RBMS1: variants seen among roughly 807,000 people sequenced by gnomAD.
The protein encoded by RBMS1 is RNA binding motif single stranded interacting protein 1.
In RBMS1, 17 loss-of-function variants were observed where a neutral mutation model predicts 62.3. The observed-to-expected ratio is 0.27, with a 90% CI of 0.19 to 0.41. The LOEUF is 0.41. Ranked by LOEUF, RBMS1 falls within the 10% of genes least tolerant of loss-of-function variation. The pLI is 1.00. For synonymous variants in RBMS1, 172 were observed against 170.0 expected, an observed-to-expected ratio of 1.01 and a Z score of -0.09; for missense variants, 334 against 504.5, an observed-to-expected ratio of 0.66 and a Z score of 3.24.
intron 1 of RBMS1, among the ~76,000 whole-genome samples, chr2:160,396,708 G>T (rs1573997738): frequency 6.6e-6 from 1 of 151,986 alleles, no homozygotes; most frequent in Admixed American, 6.6e-5. Context: ...TGGGATACAG[G>T]CAGGCGCCAC....
intron 2 of RBMS1, among the ~76,000 whole-genome samples, chr2:160,342,658 G>T (rs1691935690): frequency 6.6e-6 from 1 of 151,718 alleles, no homozygotes; most frequent in Admixed American, 6.6e-5. Flanking sequence ...GCTCACGCCT[G>T]TAATCCCAGC....
At chr2:160,312,961 T>C (rs972262323) in intron 4 of RBMS1, among the ~76,000 whole-genome samples, 195 bp downstream of exon 4, 29 of 152,156 alleles carry the variant, frequency 1.9e-4, no homozygotes, top group African/African-American at 5.5e-4. Flanking sequence ...TCCTCCTTCA[T>C]AGATTAAGTT....
chr2:160,318,701 T>C (rs1299197799), intron 2 of RBMS1, among the ~76,000 whole-genome samples: 4 of 152,216 alleles, frequency 2.6e-5, no homozygotes, highest in South Asian at 2.1e-4. Flanking sequence ...GTGGACACCA[T>C]TGCAAGGCTC....
chr2:160,475,860 T>A (rs1685101318), intron 1 of RBMS1, among the ~76,000 whole-genome samples: 1 of 35,626 alleles, frequency 2.8e-5, no homozygotes, highest in African/African-American at 1.0e-4. Context: ...GGGCCCCCCA[T>A]TTTTTTTTTT....
chr2:160,424,707 T>G (rs932525614), intron 1 of RBMS1, among the ~76,000 whole-genome samples: 3 of 152,216 alleles, frequency 2.0e-5, no homozygotes, highest in African/African-American at 7.2e-5. Context: ...CTACTGTCTA[T>G]TCACTCACAA....
intron 1 of RBMS1, among the ~76,000 whole-genome samples, chr2:160,400,814 G>A (rs1189970393): frequency 1.3e-5 from 2 of 152,078 alleles, no homozygotes; most frequent in African/African-American, 2.4e-5. Flanking sequence ...GGTAGGACAG[G>A]AGTTTGCAGG....
intron 1 of RBMS1, among the ~76,000 whole-genome samples, chr2:160,386,426 T>C (rs1314963476): frequency 6.6e-6 from 1 of 151,858 alleles, no homozygotes; most frequent in Non-Finnish European, 1.5e-5. Context: ...ATCCCAGCTA[T>C]TCAGGAGGTT....
At chr2:160,460,511 G>A (rs1242668575) in intron 1 of RBMS1, among the ~76,000 whole-genome samples, 1 of 152,216 alleles carries the variant, frequency 6.6e-6, no homozygotes, top group Non-Finnish European at 1.5e-5. Flanking sequence ...ATGACCACAG[G>A]TCAGTGGGGT....
chr2:160,282,809 A>G (rs1484653587), intron 9 of RBMS1: 1 of 153,294 alleles, frequency 6.5e-6, no homozygotes, highest in East Asian at 1.9e-4. Flanking sequence ...CACACACACA[A>G]GCAACATTTT....
intron 1 of RBMS1, among the ~76,000 whole-genome samples, chr2:160,397,997 G>A (rs532678296): frequency 6.6e-6 from 1 of 152,176 alleles, no homozygotes; most frequent in South Asian, 2.1e-4. Flanking sequence ...TTCTCTCCTC[G>A]GAGTGCTTTA....
At chr2:160,294,779 A>G (rs1385424935) in intron 6 of RBMS1, among the ~76,000 whole-genome samples, 1 of 152,172 alleles carries the variant, frequency 6.6e-6, no homozygotes, top group Non-Finnish European at 1.5e-5. Context: ...GACTGTATTT[A>G]TGAAATGTTA....
chr2:160,379,266 C>T (rs1188286492), intron 1 of RBMS1, among the ~76,000 whole-genome samples: 1 of 152,074 alleles, frequency 6.6e-6, no homozygotes, highest in African/African-American at 2.4e-5. Flanking sequence ...TCCAGCAGCC[C>T]ACCATTATAC....
At chr2:160,380,491 G>A (rs191772354) in intron 1 of RBMS1, among the ~76,000 whole-genome samples, 20 of 152,266 alleles carry the variant, frequency 1.3e-4, no homozygotes, top group Middle Eastern at 3.4e-3. Flanking sequence ...CGCCCCGTAC[G>A]ATATCAAATC....
intron 1 of RBMS1, among the ~76,000 whole-genome samples, chr2:160,384,090 G>A (rs1000082799): frequency 2.0e-5 from 3 of 152,186 alleles, no homozygotes; most frequent in Non-Finnish European, 4.4e-5. Flanking sequence ...CCAGCTACTA[G>A]GGAGGCTGAG....
chr2:160,439,539 C>T (rs1239368796), intron 1 of RBMS1, among the ~76,000 whole-genome samples: 2 of 151,844 alleles, frequency 1.3e-5, no homozygotes, highest in Admixed American at 1.3e-4. Context: ...GATGGGATGG[C>T]GGCCGGGCAG....
chr2:160,296,969 C>G (rs1688968301), intron 6 of RBMS1, among the ~76,000 whole-genome samples: 1 of 152,166 alleles, frequency 6.6e-6, no homozygotes, highest in South Asian at 2.1e-4. Context: ...GACACTCCAA[C>G]AAACAGGTGG....
intron 1 of RBMS1, among the ~76,000 whole-genome samples, chr2:160,371,633 G>A (rs979460284): frequency 1.3e-5 from 2 of 152,288 alleles, no homozygotes; most frequent in African/African-American, 2.4e-5. Context: ...GAATAAAGGG[G>A]TGGTTGTATT....
chr2:160,315,584 A>C (rs1267186088), intron 3 of RBMS1, among the ~76,000 whole-genome samples: 1 of 152,190 alleles, frequency 6.6e-6, no homozygotes, highest in African/African-American at 2.4e-5. Context: ...TTTGGTAATA[A>C]CTTAAAGCTG....
intron 1 of RBMS1, among the ~76,000 whole-genome samples, chr2:160,417,591 TAC>T (rs796506459): frequency 4.5e-4 from 69 of 152,318 alleles, no homozygotes; most frequent in African/African-American, 1.5e-3. Flanking sequence ...GCCTGAAAAT[TAC>T]AGAGATGTTA....
Sources: gnomAD v4.1 joint callset for allele counts (sites outside exome capture counted in the v4.1 genomes callset) on GRCh38, gnomAD v4.1.1 for gene constraint, MANE v1.5 for transcripts, NCBI Gene and HGNC (gene_info 2026-07-23, HGNC 2026-07-21) for gene names.